Variants in SARDH observed in about 807,000 individuals in gnomAD.
SARDH encodes sarcosine dehydrogenase, mitochondrial.
A neutral mutation model predicts 109.1 loss-of-function variants in SARDH; 95 were observed. That is an observed-to-expected ratio of 0.87 (90% CI 0.74 to 1.03). SARDH has a LOEUF of 1.03. Among genes scored for constraint, SARDH ranks in the 50% least tolerant of loss-of-function variants. The pLI, the probability that SARDH is intolerant of heterozygous loss-of-function variation, is 0.00. For synonymous variants in SARDH, 572 were observed against 534.8 expected, an observed-to-expected ratio of 1.07 and a Z score of -0.96; for missense variants, 1,267 against 1,287.8, an observed-to-expected ratio of 0.98 and a Z score of 0.25.
At position 133,731,473 on chromosome 9, in the gene SARDH, C is replaced by A; in HGVS notation, c.522G>T (p.Ala174=). The part of the protein sequence containing the change: ...EYKRLMSLGK[A]YGVESHVLSP... ...TCAGCACATGGGATTCCACACCATA[C>A]GCCTTGCCCAGCTAGGGGGACCCAG... is the stretch of plus-strand genomic sequence containing the variant. Residue 174 remains alanine (A), a synonymous_variant, in exon 4 of 21, where the codon GCG becomes GCT. Coordinates refer to ENST00000439388, the MANE Select transcript of SARDH (RefSeq NM_001134707.2). The A allele has an allele frequency of 6.2e-7, 1 of 1,614,082 alleles. No individual in the cohort carries two copies. The highest frequency in any genetic ancestry group is 8.5e-7 in the Non-Finnish European group (1 of 1,179,954).
chr9:133,660,904 T>G (rs1461453937), downstream of SARDH, among the ~76,000 whole-genome samples: 1 of 152,196 alleles, frequency 6.6e-6, no homozygotes, highest in Non-Finnish European at 1.5e-5. Context: ...AATTTTAAAT[T>G]AATTAAAATG....
rs143963702 is a variant in SARDH at position 133,666,768 on chromosome 9, G to A, written c.2598C>T (p.Ala866=). The change falls in exon 20 of 21, where the codon GCC becomes GCT. Residue 866 remains alanine (A), a synonymous_variant. Coordinates refer to ENST00000439388, the MANE Select transcript of SARDH (RefSeq NM_001134707.2). This position sits in a 1 kb window ranked among gnomAD's most constrained non-coding sequence, Gnocchi z 5.2. ...DFGFAIDKTI[A]YGYIHDPSGG... ...CGCTGGGGTCATGGATGTAACCGTAGGCGATGGTCTTGTCGATGGCGAACC... is the reference window on the plus strand; with the variant it reads ...CGCTGGGGTCATGGATGTAACCGTAAGCGATGGTCTTGTCGATGGCGAACC... The A allele has an allele frequency of 4.0e-5, 64 of 1,601,080 alleles. No individual in the cohort carries two copies. In the African/African-American group the frequency reaches 6.4e-4, roughly 16 times the overall value.
At chr9:133,661,991 T>G (rs1203812112), downstream of SARDH, among the ~76,000 whole-genome samples, 1 of 152,116 alleles carries the variant, frequency 6.6e-6, no homozygotes. Context: ...TTGGGAGCCA[T>G]GGCGGGGCCA....
At chr9:133,667,190 T>G (rs910515022) in intron 19 of SARDH, 6 of 474,864 alleles carry the variant, frequency 1.3e-5, no homozygotes, top group African/African-American at 1.1e-4. Context: ...GTTGTTCAAC[T>G]CTGGTTTTTT....
In SARDH at chr9:133,702,945, TGTACTC is replaced by T. The variant is rs760822129; in HGVS notation, c.1633_1638del (p.Glu545_Tyr546del). ...TCGTGGTGGGGCGGGAAGGCGAAGGTGTACTCGTCTGCCAGCAGCCTGCGGTAGGCG... is the reference window on the plus strand; with the variant it reads ...TCGTGGTGGGGCGGGAAGGCGAAGGTGTCTGCCAGCAGCCTGCGGTAGGCG... On this transcript the variant is annotated inframe_deletion, in exon 13 of 21. Coordinates refer to ENST00000439388, the MANE Select transcript of SARDH (RefSeq NM_001134707.2). The T allele has an allele frequency of 4.6e-5, 74 of 1,611,890 alleles. No individual in the cohort carries two copies. Among genetic ancestry groups the T allele is most frequent in the Non-Finnish European group, 6.2e-5 (73 of 1,179,840 alleles).
In SARDH at chr9:133,712,718, A is replaced by C; in HGVS notation, c.1238-9T>G. ...ACCACCCAGCATCATTCCTGGCAGG[A>C]AGAGAAGCGCAGGGCTGCGGTCTGC... On this transcript the variant is annotated splice_polypyrimidine_tract_variant and intron_variant, in intron 9 of 20. Coordinates refer to ENST00000439388, the MANE Select transcript of SARDH (RefSeq NM_001134707.2). The surrounding 1 kb of genome is among the most constrained non-coding windows in gnomAD (Gnocchi z 4.1). 1 of 1,606,892 alleles carries C rather than the reference A, an allele frequency of 6.2e-7. No homozygotes were observed. Among genetic ancestry groups the C allele is most frequent in the Non-Finnish European group, 8.5e-7 (1 of 1,179,792 alleles).
chr9:133,677,866 T>G (rs1020492589), intron 17 of SARDH, among the ~76,000 whole-genome samples: 5 of 152,182 alleles, frequency 3.3e-5, no homozygotes, highest in African/African-American at 9.7e-5. Context: ...ACTCCTGGAC[T>G]ATAGGTTGTG....
chr9:133,694,739 C>T (rs1029709478), intron 14 of SARDH, among the ~76,000 whole-genome samples: 1 of 152,198 alleles, frequency 6.6e-6, no homozygotes, highest in East Asian at 1.9e-4. Context: ...TAGCTCCGTG[C>T]CTGGTACCGG....
At chr9:133,676,544 C>T (rs887345235) in intron 17 of SARDH, among the ~76,000 whole-genome samples, 18 of 152,158 alleles carry the variant, frequency 1.2e-4, no homozygotes, top group Admixed American at 6.5e-4. Context: ...ACTAAGTGAC[C>T]GGCACTTTCT....
At chr9:133,690,632 C>T (rs979642238) in intron 15 of SARDH, 105 bp from the exon 16 acceptor site, 30 of 1,335,964 alleles carry the variant, frequency 2.2e-5, no homozygotes, top group Non-Finnish European at 3.1e-5. Context: ...AATGCCCTCT[C>T]AGGGGCCTGT....
rs1044261111 is a variant in SARDH, at chr9:133,712,426, C to A, written c.1328+193G>T. 6.6e-6 allele frequency among the ~76,000 whole-genome samples: 1 copy of A among 152,006 alleles called. No homozygotes were observed. On this transcript the variant is annotated intron_variant, in intron 10 of 20. Transcript: ENST00000439388. The surrounding 1 kb of genome is among the most constrained non-coding windows in gnomAD (Gnocchi z 4.1). ...AGAGATCTTCAAAGCTGTAAAGGGG[C>A]GTGGACCTGCCCCCCAGCCACCCCC... is the stretch of plus-strand genomic sequence containing the variant.
At chr9:133,716,862 G>A (rs1832142309) in intron 8 of SARDH, among the ~76,000 whole-genome samples, 1 of 152,208 alleles carries the variant, frequency 6.6e-6, no homozygotes, top group Non-Finnish European at 1.5e-5. Context: ...TGGGAGCGGT[G>A]GGGGCTGGGG....
At chr9:133,677,070 C>T (rs528819792) in intron 17 of SARDH, among the ~76,000 whole-genome samples, 31 of 152,186 alleles carry the variant, frequency 2.0e-4, no homozygotes, top group Non-Finnish European at 3.4e-4. Flanking sequence ...ACCTGAGAGG[C>T]GGAGGCTGTA....
At position 133,731,388 on chromosome 9, in the gene SARDH, G is replaced by C; in HGVS notation, c.607C>G (p.Leu203Val). 1 of 1,614,206 alleles carries C rather than the reference G, an allele frequency of 6.2e-7. No homozygotes were observed. Among genetic ancestry groups the C allele is most frequent in the Non-Finnish European group, 8.5e-7 (1 of 1,180,028 alleles). The change falls in exon 4 of 21, where the codon CTG becomes GTG. Residue 203 changes from leucine to valine, a missense_variant. Transcript: ENST00000439388. ...ATGGTACCGTCGTGCGGCACATACA[G>C]GGTCCCGTAGAGGTCGTCCACATTC... ...LMNVDDLYGT[L>V]YVPHDGTMDP...
intron 20 of SARDH, among the ~76,000 whole-genome samples, chr9:133,665,743 C>T (rs1001563614): frequency 6.6e-6 from 1 of 152,318 alleles, no homozygotes; most frequent in South Asian, 2.1e-4. Context: ...GCTGGGCCTG[C>T]GCATGTTCTG....
At chr9:133,681,856 C>T (rs1830706078) in intron 17 of SARDH, among the ~76,000 whole-genome samples, 1 of 152,160 alleles carries the variant, frequency 6.6e-6, no homozygotes, top group Admixed American at 6.5e-5. Flanking sequence ...TTTCCTGTGT[C>T]CCCACGATCG....
chr9:133,725,966 C>T (rs1200154799), intron 6 of SARDH, among the ~76,000 whole-genome samples: 2 of 152,154 alleles, frequency 1.3e-5, no homozygotes, highest in African/African-American at 4.8e-5. Flanking sequence ...CTGGCAGATG[C>T]TTCCTCCCTC....
intron 17 of SARDH, among the ~76,000 whole-genome samples, chr9:133,672,808 C>A (rs1463156196): frequency 1.3e-5 from 2 of 152,234 alleles, no homozygotes; most frequent in African/African-American, 4.8e-5. Flanking sequence ...CAGGAGATTG[C>A]CGTCGCAGAC....
At chr9:133,671,461 C>A in intron 18 of SARDH, 74 bp downstream of exon 18, 1 of 1,459,100 alleles carries the variant, frequency 6.9e-7, no homozygotes, top group South Asian at 1.4e-5. Flanking sequence ...GCTTCTCGGC[C>A]TCCAGGTGTC....
Sources: gnomAD v4.1 joint callset for allele counts (sites outside exome capture counted in the v4.1 genomes callset) on GRCh38, gnomAD v4.1.1 for gene constraint, Gnocchi (gnomAD v3.1) non-coding constraint, MANE v1.5 for transcripts, NCBI Gene and HGNC (gene_info 2026-07-23, HGNC 2026-07-21) for gene names.